RALGAPA2: variants seen among roughly 807,000 people sequenced by gnomAD.
RALGAPA2 encodes ral GTPase-activating protein subunit alpha-2.
In RALGAPA2, 139 loss-of-function variants were observed where a neutral mutation model predicts 230.4. The ratio of observed to expected loss-of-function variants is 0.60; its 90% confidence interval spans 0.53 to 0.69. RALGAPA2 has a LOEUF of 0.69. Among genes scored for constraint, RALGAPA2 ranks in the 30% least tolerant of loss-of-function variants. RALGAPA2 has a pLI of 0.00. For missense variants in RALGAPA2, 2,163 were observed against 2,276.0 expected (o/e 0.95, Z 1.01); for synonymous variants, 847 against 837.8 (o/e 1.01, Z -0.19).
At chr20:20,484,046 A>ACACAGTTTCCCCCTCTGGGAAATT (rs1322947168) in intron 36 of RALGAPA2, among the ~76,000 whole-genome samples, 13 of 152,190 alleles carry the variant, frequency 8.5e-5, no homozygotes, top group Non-Finnish European at 1.9e-4. Flanking sequence ...CAAGGATCTG[A>ACACAGTTTCCCCCTCTGGGAAATT]CACAGTTTCC....
At chr20:20,501,780 G>A (rs931833415) in intron 35 of RALGAPA2, among the ~76,000 whole-genome samples, 1 of 152,156 alleles carries the variant, frequency 6.6e-6, no homozygotes, top group Non-Finnish European at 1.5e-5. Flanking sequence ...TTTCAAGTGA[G>A]AGACATCCAA....
intron 23 of RALGAPA2, among the ~76,000 whole-genome samples, chr20:20,570,615 A>G (rs1004011779): frequency 2.0e-5 from 3 of 152,264 alleles, no homozygotes; most frequent in South Asian, 4.1e-4. Context: ...TCCATCCCCA[A>G]TGCTACCGGC....
intron 27 of RALGAPA2, among the ~76,000 whole-genome samples, chr20:20,528,519 G>C (rs369801746): frequency 1.3e-4 from 20 of 152,272 alleles, no homozygotes; most frequent in East Asian, 5.8e-4. Flanking sequence ...AGAAACAGTG[G>C]GGTAAGGAGA....
intron 37 of RALGAPA2, among the ~76,000 whole-genome samples, chr20:20,467,454 T>C (rs947130102): frequency 6.6e-6 from 1 of 152,220 alleles, no homozygotes; most frequent in African/African-American, 2.4e-5. Flanking sequence ...TTTGGGTACA[T>C]CCTTTATTCT....
At chr20:20,665,971 G>C (rs1359531776) in intron 3 of RALGAPA2, among the ~76,000 whole-genome samples, 1 of 152,224 alleles carries the variant, frequency 6.6e-6, no homozygotes, top group East Asian at 1.9e-4. Flanking sequence ...CTCAAGGCAA[G>C]ATCACACTAT....
Position 20,524,663 on chromosome 20 carries a change from G to A in RALGAPA2, c.3763-120C>T, listed in dbSNP as rs987172741. ...TGGACATGCAGGTGCTAGATAAGTA[G>A]GTAAGTAAATAAATAAATAAATAAG... On this transcript the variant is annotated intron_variant, in intron 29 of 39. Coordinates refer to ENST00000202677, the MANE Select transcript of RALGAPA2 (RefSeq NM_020343.4). 12 of 1,356,986 alleles carry A rather than the reference G, an allele frequency of 8.8e-6. No individual in the cohort carries two copies. In the African/African-American group the frequency reaches 1.5e-4, roughly 17 times the overall value. 84.1% of individuals were successfully genotyped at this position (1,356,986 alleles called of 1,614,324 possible). A position where few individuals can be genotyped will look rare whatever the true frequency, so the allele number is the denominator to read the frequency against.
intron 37 of RALGAPA2, among the ~76,000 whole-genome samples, chr20:20,431,333 G>C (rs1032358595): frequency 6.6e-6 from 1 of 152,186 alleles, no homozygotes; most frequent in African/African-American, 2.4e-5. Context: ...TGGTGAGTCT[G>C]GCAGCCAGGT....
chr20:20,463,884 G>A (rs2061357558), intron 37 of RALGAPA2, among the ~76,000 whole-genome samples: 1 of 152,210 alleles, frequency 6.6e-6, no homozygotes, highest in Non-Finnish European at 1.5e-5. Context: ...CTTTTGATAT[G>A]ATGACCATTT....
At chr20:20,656,887 G>A (rs1160039481) in intron 3 of RALGAPA2, among the ~76,000 whole-genome samples, 1 of 152,174 alleles carries the variant, frequency 6.6e-6, no homozygotes, top group African/African-American at 2.4e-5. Context: ...TAGGCTGCCA[G>A]GCCAAATGAG....
At chr20:20,434,863 G>A (rs984507991) in intron 37 of RALGAPA2, among the ~76,000 whole-genome samples, 2 of 152,178 alleles carry the variant, frequency 1.3e-5, no homozygotes, top group Non-Finnish European at 2.9e-5. Flanking sequence ...TTGAGCCTGG[G>A]AGGTCAAGGC....
intron 18 of RALGAPA2, among the ~76,000 whole-genome samples, chr20:20,587,015 T>C (rs2065153254): frequency 6.6e-6 from 1 of 151,990 alleles, no homozygotes; most frequent in South Asian, 2.1e-4. Flanking sequence ...TATGCAGAAA[T>C]GTTACCAAGA....
chr20:20,486,979 T>C (rs1262664515), intron 36 of RALGAPA2, among the ~76,000 whole-genome samples: 2 of 152,268 alleles, frequency 1.3e-5, no homozygotes, highest in African/African-American at 4.8e-5. Context: ...TTATATGTTG[T>C]CCACTTTTTC....
At chr20:20,458,423 A>ACATACGTATTT (rs1234517843) in intron 37 of RALGAPA2, among the ~76,000 whole-genome samples, 15 of 142,342 alleles carry the variant, frequency 1.1e-4, no homozygotes, top group African/African-American at 3.9e-4. Flanking sequence ...TATATATAAT[A>ACATACGTATTT]TATATGTATT....
At chr20:20,564,909 T>A (rs1434917604) in intron 23 of RALGAPA2, among the ~76,000 whole-genome samples, 1 of 152,272 alleles carries the variant, frequency 6.6e-6, no homozygotes, top group African/African-American at 2.4e-5. Flanking sequence ...TATTTTTACT[T>A]GTTGTATAAA....
At chr20:20,693,934 T>C (rs1484585258) in intron 1 of RALGAPA2, among the ~76,000 whole-genome samples, 1 of 151,994 alleles carries the variant, frequency 6.6e-6, no homozygotes, top group Non-Finnish European at 1.5e-5. Flanking sequence ...TGAAACCCCA[T>C]CTCTACAAAA....
intron 20 of RALGAPA2, among the ~76,000 whole-genome samples, chr20:20,580,885 T>C (rs2064964616): frequency 1.3e-5 from 2 of 152,204 alleles, no homozygotes; most frequent in South Asian, 4.1e-4. Context: ...GATTATTCAA[T>C]AAGAAACAAA....
At position 20,389,923 on chromosome 20, in the gene RALGAPA2, T is replaced by C. The variant is rs1250970880; in HGVS notation, c.*3366A>G. ...ATCAAATTTTTTCCTTATTTACATGTACTAAACATTGTAGACCTGAAAACA... is the reference window on the plus strand; with the variant it reads ...ATCAAATTTTTTCCTTATTTACATGCACTAAACATTGTAGACCTGAAAACA... On this transcript the variant is annotated 3_prime_UTR_variant, in exon 40 of 40. Transcript: ENST00000202677. 2.0e-5 allele frequency: 3 copies of C among 152,226 alleles called. No homozygotes were observed. Among genetic ancestry groups the C allele is most frequent in the African/African-American group, 7.2e-5 (3 of 41,458 alleles). The allele number at this position is 152,226 out of a possible 1,614,324, so 9.4% of individuals were successfully genotyped here. A position where few individuals can be genotyped will look rare whatever the true frequency, so the allele number is the denominator to read the frequency against.
chr20:20,538,152 G>A (rs1481418704), intron 24 of RALGAPA2, among the ~76,000 whole-genome samples: 1 of 152,214 alleles, frequency 6.6e-6, no homozygotes, highest in Non-Finnish European at 1.5e-5. Flanking sequence ...GCAACATACT[G>A]AGGATAGCAT....
chr20:20,613,322 C>CAAAA (rs2146297443), intron 13 of RALGAPA2, among the ~76,000 whole-genome samples: 1 of 152,298 alleles, frequency 6.6e-6, no homozygotes, highest in East Asian at 1.9e-4. Flanking sequence ...GATTTTCCTG[C>CAAAA]ATTCTTCATT....
Sources: allele counts gnomAD v4.1 joint callset (sites outside exome capture counted in the v4.1 genomes callset), GRCh38; gene constraint gnomAD v4.1.1; transcripts MANE v1.5; gene names NCBI Gene and HGNC (gene_info 2026-07-23, HGNC 2026-07-21).